The following MED24 variants were observed in gnomAD, a reference collection of about 807,000 sequenced individuals.
The protein encoded by MED24 is mediator complex subunit 24.
In MED24, 74 loss-of-function variants were observed where a neutral mutation model predicts 118.8. The ratio of observed to expected loss-of-function variants is 0.62; its 90% confidence interval spans 0.52 to 0.76. The LOEUF (loss-of-function observed/expected upper bound fraction) is 0.76, where lower values mean the gene tolerates loss of function less well. Ranked by LOEUF, MED24 falls within the 30% of genes least tolerant of loss-of-function variation. The pLI, the probability that MED24 is intolerant of heterozygous loss-of-function variation, is 0.00. For missense variants in MED24, 1,041 were observed against 1,278.9 expected, an observed-to-expected ratio of 0.81 and a Z score of 2.84; for synonymous variants, 521 against 523.9, an observed-to-expected ratio of 0.99 and a Z score of 0.08.
chr17:40,023,138 AG>A lies in MED24; in HGVS notation c.2242del (p.Leu748Ter). 1 of 1,613,422 alleles carries A rather than the reference AG, an allele frequency of 6.2e-7. No individual in the cohort carries two copies. The highest frequency in any genetic ancestry group is 8.5e-7 in the Non-Finnish European group (1 of 1,179,556). ...MGGVYWFCNN[L>X]IKELLKETRK... is the part of the protein sequence containing the mutation. ...CCACTCCAGCCCAAGTACCTTAATCAGGTTGTTGCAGAACCAGTAGACGCCG... is the reference window on the plus strand; with the variant it reads ...CCACTCCAGCCCAAGTACCTTAATCAGTTGTTGCAGAACCAGTAGACGCCG... On this transcript the variant is annotated frameshift_variant, in exon 20 of 26. Coordinates refer to ENST00000394128, the MANE Select transcript of MED24 (RefSeq NM_014815.4). LOFTEE classifies it high-confidence loss of function.
chr17:40,031,207 T>C lies in MED24; in HGVS notation c.1106A>G (p.Lys369Arg). ...CTNFLLQECG[K>R]QGLLSEASVN... The stretch of plus-strand genomic sequence containing the variant: ...GCTGGCCTCAGACAGAAGCCCCTGC[T>C]TGCCACATTCTTGGAGCAGGAAGTT... The change falls in exon 12 of 26, where the codon AAG becomes AGG. Residue 369 changes from lysine to arginine, a missense_variant. Lys to Arg is a conservative substitution (Grantham distance 26). Transcript: ENST00000394128. The C allele has an allele frequency of 6.4e-7, 1 of 1,574,062 alleles. No individual in the cohort carries two copies. The highest frequency in any genetic ancestry group is 2.3e-5 in the East Asian group (1 of 43,496).
chr17:40,022,037 G>C lies in MED24; in HGVS notation c.2541C>G (p.Phe847Leu). 2 of 1,609,704 alleles carry C rather than the reference G, an allele frequency of 1.2e-6. No homozygotes were observed. Among genetic ancestry groups the C allele is most frequent in the Non-Finnish European group, 1.7e-6 (2 of 1,177,710 alleles). Residue 847 changes from phenylalanine to leucine, a missense_variant, in exon 23 of 26, where the codon TTC (phenylalanine) becomes TTG (leucine). Coordinates refer to ENST00000394128, the MANE Select transcript of MED24 (RefSeq NM_014815.4). ...REDIEDYISL[F>L]PLDDVQPSKL... is the part of the protein sequence containing the mutation. The stretch of plus-strand genomic sequence containing the variant: ...TCGAAGGCTGCACATCGTCCAGGGG[G>C]AAGAGGCTGATATAATCCTAGAGGG...
chr17:40,020,550 G>A, intron 23 of MED24, 197 bp from the exon 24 acceptor site: 2 of 1,260,318 alleles, frequency 1.6e-6, no homozygotes, highest in South Asian at 2.6e-5. Context: ...CATTTTGGGA[G>A]GCCGAGGCAG....
Position 40,050,307 on chromosome 17 carries a change from G to A in MED24, c.213+2991C>T, listed in dbSNP as rs566351889. ...CTACTAAAACTACAAAAATTAGCTGGGTGTGGTGGTGCATGCTTGTGGTCC... is the reference window on the plus strand; with the variant it reads ...CTACTAAAACTACAAAAATTAGCTGAGTGTGGTGGTGCATGCTTGTGGTCC... On this transcript the variant is annotated intron_variant, in intron 3 of 25. Transcript: ENST00000394128. 3.9e-5 allele frequency among the ~76,000 whole-genome samples: 6 copies of A among 152,002 alleles called. No individual in the cohort carries two copies. The East Asian group carries it at 1.2e-3, about 29-fold the overall frequency.
chr17:40,035,148 G>A lies in MED24; in HGVS notation c.528C>T (p.Ala176=), dbSNP rs200460297. ...EKTLSSTKNR[A]LLHIAKLEEA... is the part of the protein sequence containing the mutation. Reference sequence around the variant, plus strand: ...CCTCTAGTTTGGCGATGTGCAGCAGGGCCCGGTTCTTGGTGCTGCTGAGGG... The same window carrying A: ...CCTCTAGTTTGGCGATGTGCAGCAGAGCCCGGTTCTTGGTGCTGCTGAGGG... The change falls in exon 6 of 26, where the codon GCC becomes GCT. Residue 176 remains alanine (A), a synonymous_variant. Coordinates refer to ENST00000394128, the MANE Select transcript of MED24 (RefSeq NM_014815.4). The A allele has an allele frequency of 6.2e-7, 1 of 1,614,128 alleles. No individual in the cohort carries two copies. The highest frequency in any genetic ancestry group is 1.1e-5 in the South Asian group (1 of 91,088).
chr17:40,034,851 GC>G (rs571183730), intron 6 of MED24: 3 of 588,818 alleles, frequency 5.1e-6, no homozygotes, highest in Non-Finnish European at 5.8e-6. Flanking sequence ...TCCTTTGGTA[GC>G]CCCCCACCCC....
In MED24 at chr17:40,019,925, A is replaced by G. The variant is rs1369626220; in HGVS notation, c.2713T>C (p.Phe905Leu). The change falls in exon 25 of 26, where the codon TTC becomes CTC. Residue 905 changes from phenylalanine to leucine, a missense_variant. Around this residue, in one of 3 missense-constraint regions of MED24, gnomAD observed 587 missense variants for 694.4 expected, o/e 0.85. Transcript: ENST00000394128. ...DPLNRVLANL[F>L]LLISSILGSR... is the part of the protein sequence containing the mutation. ...CCCAGGATGGAGGAGATGAGCAGGA[A>G]CAGGTTGGCTGTAGAGAGTGGGGGG... 6.4e-7 allele frequency: 1 copy of G among 1,565,408 alleles called. No individual in the cohort carries two copies. Among genetic ancestry groups the G allele is most frequent in the Non-Finnish European group, 8.7e-7 (1 of 1,154,176 alleles).
intron 1 of MED24, 73 bp from the exon 2 acceptor site, chr17:40,053,708 AATAG>A (rs753013526): frequency 6.4e-7 from 1 of 1,570,300 alleles, no homozygotes; most frequent in Non-Finnish European, 8.7e-7. Flanking sequence ...GGCAGAATTA[AATAG>A]AAAGGAGAAG....
rs775356662 is a variant in MED24 at position 40,023,202 on chromosome 17, G to A, written c.2179C>T (p.Arg727Cys). 1.2e-5 allele frequency: 19 copies of A among 1,614,114 alleles called. No homozygotes were observed. Among genetic ancestry groups the A allele is most frequent in the East Asian group, 8.9e-5 (4 of 44,878 alleles). Residue 727 changes from arginine (R) to cysteine (C), a missense_variant, in exon 20 of 26, where the codon CGC becomes TGC. By Grantham distance (180) the Arg-to-Cys change is radical. Around this residue, in one of 3 missense-constraint regions of MED24, gnomAD observed 587 missense variants for 694.4 expected, o/e 0.85. Transcript: ENST00000394128. ...AGGGTGTCAAAGATGTGGATGGAGC[G>A]GCTGTCCACCCAGCCCTTCTCCAGC... ...KVLEKGWVDSRSIHIFDTLLH... is the reference protein window; with the variant it reads ...KVLEKGWVDSCSIHIFDTLLH...
At chr17:40,035,005 T>A in intron 6 of MED24, 112 bp downstream of exon 6, 1 of 1,612,974 alleles carries the variant, frequency 6.2e-7, no homozygotes, top group Non-Finnish European at 8.5e-7. Flanking sequence ...AGTGGGATGG[T>A]TTCAGATCCT....
chr17:40,020,553 C>T lies in MED24; in HGVS notation c.2624-200G>A, dbSNP rs555215759. The T allele has an allele frequency of 2.2e-4, 277 of 1,246,616 alleles. No individual in the cohort carries two copies. The African/African-American group carries it at 2.6e-3, about 11-fold the overall frequency. 77.2% of individuals were successfully genotyped at this position (1,246,616 alleles called of 1,614,324 possible). On this transcript the variant is annotated intron_variant, in intron 23 of 25. Coordinates refer to ENST00000394128, the MANE Select transcript of MED24 (RefSeq NM_014815.4). The stretch of plus-strand genomic sequence containing the variant: ...CTGTAATCCCAGCATTTTGGGAGGC[C>T]GAGGCAGGAGGATCGCTTGAGTCCA...
chr17:40,050,792 G>A (rs1160878000), intron 3 of MED24, among the ~76,000 whole-genome samples: 1 of 152,106 alleles, frequency 6.6e-6, no homozygotes, highest in Non-Finnish European at 1.5e-5. Flanking sequence ...TAGGGTAATG[G>A]GTATACTAAA....
rs780537743 is a variant in MED24 at position 40,019,576 on chromosome 17, G to C, written c.2923C>G (p.Leu975Val). Reference protein sequence around the residue: ...KVVLAITDLSLPLGRQVAAKA... With the variant: ...KVVLAITDLSVPLGRQVAAKA... The stretch of plus-strand genomic sequence containing the variant: ...GCAGCCACCTGGCGGCCCAGGGGCA[G>C]GCTGAGGTCCGTGATGGCCAGAACC... Residue 975 changes from leucine (L) to valine (V), a missense_variant, in exon 26 of 26, where the codon CTG becomes GTG. Around this residue, in one of 3 missense-constraint regions of MED24, gnomAD observed 587 missense variants for 694.4 expected, o/e 0.85. Coordinates refer to ENST00000394128, the MANE Select transcript of MED24 (RefSeq NM_014815.4). 6.2e-7 allele frequency: 1 copy of C among 1,612,594 alleles called. No homozygotes were observed. Among genetic ancestry groups the C allele is most frequent in the South Asian group, 1.1e-5 (1 of 90,940 alleles).
chr17:40,030,963 G>C (rs1036040176), intron 12 of MED24, among the ~76,000 whole-genome samples, 196 bp downstream of exon 12: 1 of 152,192 alleles, frequency 6.6e-6, no homozygotes, highest in Non-Finnish European at 1.5e-5. Flanking sequence ...TTAAAGAGCA[G>C]TGACTAAGAG....
intron 5 of MED24, 42 bp from the exon 6 acceptor site, chr17:40,035,391 G>A (rs1360637502): frequency 6.6e-7 from 1 of 1,523,638 alleles, no homozygotes; most frequent in Non-Finnish European, 8.9e-7. Context: ...TCTTCCAATG[G>A]CTGAAATCCG....
chr17:40,036,175 T>C (rs998826235), intron 3 of MED24, 21 bp from the exon 4 acceptor site: 2 of 1,604,032 alleles, frequency 1.2e-6, no homozygotes, highest in Admixed American at 1.7e-5. Context: ...GGAAGAAAGA[T>C]AATCTTTAGA....
rs1056883375 is a variant in MED24 at position 40,045,641 on chromosome 17, C to T, written c.213+7657G>A. Among the ~76,000 whole-genome samples, 12 of 152,002 alleles carry T rather than the reference C, an allele frequency of 7.9e-5. No individual in the cohort carries two copies. The South Asian group carries it at 1.0e-3, about 13-fold the overall frequency. ...CTCTACACAAAATGCAAAAATTGGC[C>T]GGGTGTTTTGGTGCGCACCTGTAGT... On this transcript the variant is annotated intron_variant, in intron 3 of 25. Coordinates refer to ENST00000394128, the MANE Select transcript of MED24 (RefSeq NM_014815.4).
At chr17:40,052,270 G>T (rs1985938238) in intron 3 of MED24, among the ~76,000 whole-genome samples, 1 of 152,172 alleles carries the variant, frequency 6.6e-6, no homozygotes, top group Non-Finnish European at 1.5e-5. Flanking sequence ...TCCAGCCTGG[G>T]CGATAGAGCA....
In MED24 at chr17:40,022,842, G is replaced by C; in HGVS notation, c.2251-16C>G. Reference sequence around the variant, plus strand: ...TCAGCAGCTCCTAGTGCGCAGGAAAGGGGGCAGTTCAGGAGCCAGGGGCCC... The same window carrying C: ...TCAGCAGCTCCTAGTGCGCAGGAAACGGGGCAGTTCAGGAGCCAGGGGCCC... On this transcript the variant is annotated splice_polypyrimidine_tract_variant and intron_variant, in intron 20 of 25. Coordinates refer to ENST00000394128, the MANE Select transcript of MED24 (RefSeq NM_014815.4). The C allele has an allele frequency of 1.2e-6, 2 of 1,611,502 alleles. No homozygotes were observed. The highest frequency in any genetic ancestry group is 1.7e-6 in the Non-Finnish European group (2 of 1,179,612).
Sources: allele counts gnomAD v4.1 joint callset (sites outside exome capture counted in the v4.1 genomes callset), GRCh38; gene constraint gnomAD v4.1.1; regional missense constraint gnomAD v4.1.1; transcripts MANE v1.5; gene names NCBI Gene and HGNC (gene_info 2026-07-23, HGNC 2026-07-21).